Variants in ITGA9 observed in about 807,000 individuals in gnomAD.
The protein encoded by ITGA9 is integrin subunit alpha 9, also known as integrin alpha-9.
In ITGA9, 56 loss-of-function variants were observed where a neutral mutation model predicts 127.8. The observed-to-expected ratio is 0.44, with a 90% CI of 0.35 to 0.55. The LOEUF is 0.55. Ranked by LOEUF, ITGA9 falls within the 20% of genes least tolerant of loss-of-function variation. ITGA9 has a pLI of 0.00. For synonymous variants in ITGA9, 508 were observed against 514.5 expected (o/e 0.99, Z 0.17); for missense variants, 1,196 against 1,347.1 (o/e 0.89, Z 1.76).
At chr3:37,680,263 A>C (rs1215796151) in intron 17 of ITGA9, among the ~76,000 whole-genome samples, 1 of 152,136 alleles carries the variant, frequency 6.6e-6, no homozygotes, top group Admixed American at 6.5e-5. Flanking sequence ...GGCACATCAC[A>C]TTTTCATTTC....
chr3:37,462,617 A>AT (rs1177763293), intron 1 of ITGA9, among the ~76,000 whole-genome samples: 3 of 152,154 alleles, frequency 2.0e-5, no homozygotes, highest in Admixed American at 6.5e-5. Context: ...AGGGTTAGCC[A>AT]TGCTACCCTC....
intron 24 of ITGA9, among the ~76,000 whole-genome samples, chr3:37,779,499 G>T (rs1353627517): frequency 1.3e-5 from 2 of 152,164 alleles, no homozygotes; most frequent in Non-Finnish European, 2.9e-5. Context: ...AAATAGGCAT[G>T]AAAGTATATT....
intron 18 of ITGA9, among the ~76,000 whole-genome samples, chr3:37,715,833 AG>A (rs1701129406): frequency 6.6e-6 from 1 of 152,196 alleles, no homozygotes; most frequent in Non-Finnish European, 1.5e-5. Context: ...AAAGGAGAAG[AG>A]GGGGACTAGA....
chr3:37,813,488 C>T (rs1450260141), intron 27 of ITGA9, among the ~76,000 whole-genome samples: 2 of 152,134 alleles, frequency 1.3e-5, no homozygotes, highest in Admixed American at 1.3e-4. Context: ...TTTTCACTTC[C>T]TCATTCCTGA....
At chr3:37,519,806 C>T (rs1417978714) in intron 11 of ITGA9, among the ~76,000 whole-genome samples, 8 of 152,226 alleles carry the variant, frequency 5.3e-5, no homozygotes, top group African/African-American at 1.4e-4. Context: ...TAGGACTCTG[C>T]GCTTGCGCCC....
At chr3:37,582,746 T>C (rs995465646) in intron 15 of ITGA9, among the ~76,000 whole-genome samples, 3 of 152,218 alleles carry the variant, frequency 2.0e-5, no homozygotes, top group East Asian at 1.9e-4. Flanking sequence ...CCAAGACTGA[T>C]TGGCTGATTT....
intron 23 of ITGA9, among the ~76,000 whole-genome samples, chr3:37,765,028 A>G (rs1696764322): frequency 6.6e-6 from 1 of 152,216 alleles, no homozygotes. Context: ...TAAAAACACC[A>G]TGAGAGTAAA....
intron 1 of ITGA9, among the ~76,000 whole-genome samples, chr3:37,463,982 CTTTT>C (rs1426500034): frequency 1.3e-5 from 2 of 152,076 alleles, no homozygotes; most frequent in Non-Finnish European, 2.9e-5. Context: ...AAAACAAAGG[CTTTT>C]AAAGGAAAAA....
At chr3:37,748,344 A>C (rs1300060092) in intron 22 of ITGA9, 1 of 600,654 alleles carries the variant, frequency 1.7e-6, no homozygotes, top group African/African-American at 1.8e-5. Flanking sequence ...TTATAAACAC[A>C]CAAGTTAAGG....
At chr3:37,627,233 A>G (rs1700183979) in intron 15 of ITGA9, among the ~76,000 whole-genome samples, 1 of 152,166 alleles carries the variant, frequency 6.6e-6, no homozygotes, top group Non-Finnish European at 1.5e-5. Context: ...ACCAGTAAAA[A>G]TCATCTGCCA....
chr3:37,703,462 T>G (rs1700970596), intron 18 of ITGA9, among the ~76,000 whole-genome samples: 1 of 152,234 alleles, frequency 6.6e-6, no homozygotes, highest in African/African-American at 2.4e-5. Flanking sequence ...TTTTTTGACC[T>G]ATAAAAAAGG....
intron 26 of ITGA9, among the ~76,000 whole-genome samples, chr3:37,793,698 A>C (rs1172203305): frequency 1.3e-5 from 2 of 152,104 alleles, no homozygotes; most frequent in African/African-American, 4.8e-5. Context: ...CCCAGAAATA[A>C]ATGGGACAGG....
At chr3:37,593,763 T>G (rs1008842566) in intron 15 of ITGA9, among the ~76,000 whole-genome samples, 1 of 152,228 alleles carries the variant, frequency 6.6e-6, no homozygotes, top group Non-Finnish European at 1.5e-5. Context: ...TCTTCTGTGT[T>G]GGGTATTGTC....
intron 12 of ITGA9, among the ~76,000 whole-genome samples, chr3:37,525,293 A>G (rs1699082551): frequency 6.6e-6 from 1 of 152,202 alleles, no homozygotes; most frequent in African/African-American, 2.4e-5. Context: ...TAAATATCTG[A>G]TTTCATATAT....
chr3:37,758,252 A>G (rs982185559), intron 23 of ITGA9, among the ~76,000 whole-genome samples: 5 of 136,680 alleles, frequency 3.7e-5, no homozygotes, highest in Non-Finnish European at 7.6e-5. Context: ...GAACCCGGGA[A>G]GCGGAGCTTG....
intron 15 of ITGA9, among the ~76,000 whole-genome samples, chr3:37,585,802 C>CCT (rs1553648617): frequency 6.6e-6 from 1 of 151,784 alleles, no homozygotes; most frequent in Non-Finnish European, 1.5e-5. Flanking sequence ...GGGGGCCCCC[C>CCT]CAATTTTAAT....
chr3:37,560,432 AG>A (rs779762761), intron 15 of ITGA9, among the ~76,000 whole-genome samples: 7 of 152,204 alleles, frequency 4.6e-5, no homozygotes, highest in Non-Finnish European at 8.8e-5. Context: ...GTGTCTTTAT[AG>A]TAGCATGATT....
At chr3:37,688,998 G>A (rs1178278365) in intron 18 of ITGA9, among the ~76,000 whole-genome samples, 1 of 150,160 alleles carries the variant, frequency 6.7e-6, no homozygotes, top group East Asian at 2.0e-4. Context: ...GGGTGGATGG[G>A]TGTGTGAGTG....
chr3:37,606,379 G>A (rs1421616198), intron 15 of ITGA9, among the ~76,000 whole-genome samples: 1 of 152,224 alleles, frequency 6.6e-6, no homozygotes, highest in Admixed American at 6.5e-5. Context: ...GCCACTGCGC[G>A]GCTGCTGAGC....
Sources: allele counts gnomAD v4.1 joint callset (sites outside exome capture counted in the v4.1 genomes callset), GRCh38; gene constraint gnomAD v4.1.1; transcripts MANE v1.5; gene names NCBI Gene and HGNC (gene_info 2026-07-23, HGNC 2026-07-21).